TBC1D20: variants seen among roughly 807,000 people sequenced by gnomAD.
The protein encoded by TBC1D20 is chromosome 20 open reading frame 140.
Under a neutral mutation model 41.6 loss-of-function variants are expected in TBC1D20, and 12 were observed. The observed-to-expected ratio is 0.29, with a 90% confidence interval of 0.18 to 0.47. The LOEUF (loss-of-function observed/expected upper bound fraction) is 0.47. Among genes scored for constraint, TBC1D20 ranks in the 20% least tolerant of loss-of-function variants. The pLI is 1.00. For synonymous variants in TBC1D20, 205 were observed against 204.8 expected (o/e 1.00, Z -0.01); for missense variants, 421 against 517.4 (o/e 0.81, Z 1.81).
intron 2 of TBC1D20, among the ~76,000 whole-genome samples, chr20:447,251 C>G (rs1032554704): frequency 5.9e-5 from 9 of 151,628 alleles, no homozygotes; most frequent in Non-Finnish European, 1.0e-4. Flanking sequence ...TGAGCCACCA[C>G]ACCCGGCCCA....
Position 438,498 on chromosome 20 carries a change from T to C in TBC1D20, c.*88A>G. 1 of 1,484,246 alleles carries C rather than the reference T, an allele frequency of 6.7e-7. No individual in the cohort carries two copies. Among genetic ancestry groups the C allele is most frequent in the Non-Finnish European group, 9.1e-7 (1 of 1,097,446 alleles). The allele number at this position is 1,484,246 out of a possible 1,614,324, so 91.9% of individuals were successfully genotyped here. A position where few individuals can be genotyped will look rare whatever the true frequency, so the allele number is the denominator to read the frequency against. ...AATAAAAAACTCTGGACAGAAACCC[T>C]TTTAATAAAGGAAATTCCACCCCTC... is the stretch of plus-strand genomic sequence containing the variant. On this transcript the variant is annotated 3_prime_UTR_variant, in exon 8 of 8. Coordinates refer to ENST00000354200, the MANE Select transcript of TBC1D20 (RefSeq NM_144628.4).
chr20:457,370 A>T (rs1464261942), intron 1 of TBC1D20, among the ~76,000 whole-genome samples: 6 of 151,884 alleles, frequency 4.0e-5, no homozygotes, highest in Admixed American at 3.9e-4. Flanking sequence ...TCAGCCTTCT[A>T]TGCCACCATG....
chr20:447,307 A>G (rs2017354638), intron 2 of TBC1D20, among the ~76,000 whole-genome samples: 1 of 151,970 alleles, frequency 6.6e-6, no homozygotes, highest in Admixed American at 6.6e-5. Flanking sequence ...TATGCAGAAC[A>G]AAGCATATGC....
chr20:449,285 T>TTAAAAAAA (rs1298346679), intron 1 of TBC1D20, among the ~76,000 whole-genome samples: 1 of 56,940 alleles, frequency 1.8e-5, no homozygotes, highest in African/African-American at 9.2e-5. Flanking sequence ...CCCAATACAT[T>TTAAAAAAA]AAAAAAAAAA....
chr20:458,487 G>A (rs904636081), intron 1 of TBC1D20, among the ~76,000 whole-genome samples: 12 of 151,498 alleles, frequency 7.9e-5, no homozygotes, highest in Admixed American at 2.0e-4. Flanking sequence ...TAATTTTTGC[G>A]TATATATATT....
intron 1 of TBC1D20, among the ~76,000 whole-genome samples, chr20:451,953 C>T (rs2122412492): frequency 6.6e-6 from 1 of 152,254 alleles, no homozygotes; most frequent in East Asian, 1.9e-4. Flanking sequence ...TGTTCCTGTT[C>T]ATTTTTAAAT....
chr20:452,211 A>AGAG (rs930677267), intron 1 of TBC1D20, among the ~76,000 whole-genome samples: 1 of 152,316 alleles, frequency 6.6e-6, no homozygotes, highest in Admixed American at 6.5e-5. Context: ...TGAGGCTGAA[A>AGAG]GAGGAGAATT....
intron 1 of TBC1D20, chr20:450,683 T>C (rs1453891347): frequency 6.6e-6 from 1 of 152,262 alleles, no homozygotes; most frequent in African/African-American, 2.4e-5. Context: ...TGAGTGGTGC[T>C]ATTTACAACT....
chr20:462,410 C>G lies in TBC1D20; in HGVS notation c.-5G>C. ...CTGCGCACTCCGGAGGGCCATGCCC[C>G]GGGGCCCCGGGCCCCCACCCGAGCC... On this transcript the variant is annotated 5_prime_UTR_variant, in exon 1 of 8. Transcript: ENST00000354200. 1.6e-6 allele frequency: 2 copies of G among 1,225,918 alleles called. No homozygotes were observed. Among genetic ancestry groups the G allele is most frequent in the Non-Finnish European group, 2.0e-6 (2 of 976,552 alleles). 75.9% of individuals were successfully genotyped at this position (1,225,918 alleles called of 1,614,324 possible).
At chr20:450,067 C>T (rs1189609667) in intron 1 of TBC1D20, among the ~76,000 whole-genome samples, 3 of 151,906 alleles carry the variant, frequency 2.0e-5, no homozygotes, top group East Asian at 3.8e-4. Context: ...CACCAAAACT[C>T]GATACTACAT....
chr20:448,465 C>T (rs963027361), intron 1 of TBC1D20, among the ~76,000 whole-genome samples: 2 of 151,816 alleles, frequency 1.3e-5, no homozygotes, highest in African/African-American at 2.4e-5. Flanking sequence ...CCGAGGTGGG[C>T]GGATCACAAG....
intron 1 of TBC1D20, among the ~76,000 whole-genome samples, chr20:461,843 G>A (rs1329882869): frequency 1.3e-5 from 2 of 152,268 alleles, no homozygotes; most frequent in Non-Finnish European, 1.5e-5. Context: ...AAGAATCACT[G>A]AACTGTGCAC....
rs563674810 is a variant in TBC1D20, at chr20:462,321, G to A, written c.70+15C>T. 1,084 of 1,287,466 alleles carry A rather than the reference G, an allele frequency of 8.4e-4. 5 individuals carry two copies. In the African/African-American group the frequency reaches 0.015, roughly 18 times the overall value. 79.8% of individuals were successfully genotyped at this position (1,287,466 alleles called of 1,614,324 possible). On this transcript the variant is annotated intron_variant, in intron 1 of 7. Transcript: ENST00000354200. Reference sequence around the variant, plus strand: ...CCTCGCAGGCCGCTCCCGGCGCCCCGGTCGGCTTCCGTACCTGCCTTCTCC... The same window carrying A: ...CCTCGCAGGCCGCTCCCGGCGCCCCAGTCGGCTTCCGTACCTGCCTTCTCC...
intron 1 of TBC1D20, among the ~76,000 whole-genome samples, chr20:461,507 G>A (rs534552034): frequency 2.0e-5 from 3 of 152,020 alleles, no homozygotes; most frequent in Non-Finnish European, 2.9e-5. Context: ...TCACAGGCTC[G>A]AGCCTCCACA....
chr20:448,363 G>A (rs1026069291), intron 1 of TBC1D20, among the ~76,000 whole-genome samples: 3 of 152,182 alleles, frequency 2.0e-5, no homozygotes, highest in African/African-American at 7.2e-5. Flanking sequence ...CATAGGCACA[G>A]ACTGGAAATA....
rs549275173 is a variant in TBC1D20 at position 456,043 on chromosome 20, C to T, written c.70+6293G>A. Among the ~76,000 whole-genome samples, 4 of 152,242 alleles carry T rather than the reference C, an allele frequency of 2.6e-5. No homozygotes were observed. The South Asian group carries it at 8.3e-4, about 32-fold the overall frequency. The stretch of plus-strand genomic sequence containing the variant: ...TTATAATCCCAGCACTTTAGGAAGC[C>T]GACGTGGGCAGATTGCTTGACCCCA... On this transcript the variant is annotated intron_variant, in intron 1 of 7. Transcript: ENST00000354200.
chr20:450,461 T>G (rs1215154930), intron 1 of TBC1D20, among the ~76,000 whole-genome samples: 1 of 152,120 alleles, frequency 6.6e-6, no homozygotes, highest in East Asian at 1.9e-4. Context: ...AGAGATGTTT[T>G]CAAAACCAGT....
chr20:462,372 T>G lies in TBC1D20; in HGVS notation c.34A>C (p.Thr12Pro), dbSNP rs1346836741. Reference sequence around the variant, plus strand: ...GCGCCGCCGTCCCAGTGGCCGGAGGTGGGGCCGTCGCCCTGCGCACTCCGG... The same window carrying G: ...GCGCCGCCGTCCCAGTGGCCGGAGGGGGGGCCGTCGCCCTGCGCACTCCGG... ...ALRSAQGDGP[T>P]SGHWDGGAEK... is the part of the protein sequence containing the mutation. Residue 12 changes from threonine (T) to proline (P), a missense_variant, in exon 1 of 8, where the codon ACC (threonine) becomes CCC (proline). By Grantham distance (38) the Thr-to-Pro change is conservative. Transcript: ENST00000354200. The G allele has an allele frequency of 6.9e-6, 9 of 1,303,974 alleles. No homozygotes were observed. The highest frequency in any genetic ancestry group is 1.5e-5 in the African/African-American group (1 of 64,806). The allele number at this position is 1,303,974 out of a possible 1,614,324, so 80.8% of individuals were successfully genotyped here.
chr20:462,290 G>C, intron 1 of TBC1D20, 46 bp downstream of exon 1: 1 of 1,236,654 alleles, frequency 8.1e-7, no homozygotes, highest in Non-Finnish European at 1.0e-6. Context: ...CTGCCCCCCG[G>C]GCCGCCCTCG....
Sources: allele counts gnomAD v4.1 joint callset (sites outside exome capture counted in the v4.1 genomes callset), GRCh38; gene constraint gnomAD v4.1.1; transcripts MANE v1.5; gene names NCBI Gene and HGNC (gene_info 2026-07-23, HGNC 2026-07-21).